CSMD1: variants seen among roughly 807,000 people sequenced by gnomAD.
CSMD1 encodes the protein CUB and Sushi multiple domains 1, also known as CUB and sushi domain-containing protein 1.
Under a neutral mutation model 417.5 loss-of-function variants are expected in CSMD1, and 213 were observed. That is an observed-to-expected ratio of 0.51 (90% CI 0.46 to 0.57). The LOEUF (loss-of-function observed/expected upper bound fraction) is 0.57. CSMD1 is among the 20% of genes least tolerant of loss of function. The probability of loss-of-function intolerance (pLI) is 0.00; values close to 1 mark genes in which losing one functional copy is unlikely to be tolerated. For synonymous variants in CSMD1, 2,862 were observed against 1,736.8 expected (o/e 1.65, Z -16.11); for missense variants, 6,923 against 4,529.7 (o/e 1.53, Z -15.17).
intron 2 of CSMD1, among the ~76,000 whole-genome samples, chr8:4,464,003 T>C (rs956743314): frequency 1.3e-5 from 2 of 152,132 alleles, no homozygotes; most frequent in African/African-American, 4.8e-5. Flanking sequence ...TCATTTCCTG[T>C]TATATCACAT....
chr8:4,526,835 G>GT (rs900620088), intron 2 of CSMD1, among the ~76,000 whole-genome samples: 14 of 151,914 alleles, frequency 9.2e-5, no homozygotes, highest in Non-Finnish European at 1.6e-4. Context: ...ATCGACAAAT[G>GT]TTTTTTTTCT....
chr8:4,185,174 A>T (rs544004732), intron 3 of CSMD1, among the ~76,000 whole-genome samples: 1 of 151,656 alleles, frequency 6.6e-6, no homozygotes, highest in African/African-American at 2.4e-5. Flanking sequence ...CAAACGAAGA[A>T]AAAACCAAAA....
intron 58 of CSMD1, 41 bp from the exon 59 acceptor site, chr8:2,965,995 T>A: frequency 4.0e-6 from 6 of 1,516,706 alleles, no homozygotes; most frequent in Non-Finnish European, 5.4e-6. Context: ...GAAATTCATT[T>A]ACCATGAAAT....
intron 4 of CSMD1, among the ~76,000 whole-genome samples, chr8:4,026,729 C>T (rs1457920488): frequency 6.6e-6 from 1 of 152,042 alleles, no homozygotes; most frequent in East Asian, 1.9e-4. Flanking sequence ...TTCTTTTTTC[C>T]TTAAAGAAAC....
intron 26 of CSMD1, among the ~76,000 whole-genome samples, chr8:3,282,273 G>A (rs1802797637): frequency 6.6e-6 from 1 of 152,136 alleles, no homozygotes; most frequent in Non-Finnish European, 1.5e-5. Context: ...ACTCTGTGGG[G>A]ATGTTGACAG....
intron 2 of CSMD1, among the ~76,000 whole-genome samples, chr8:4,596,450 A>C (rs4875367): frequency 0.45 from 69,020 of 152,016 alleles, 17,826 homozygotes; most frequent in Non-Finnish European, 0.58. Context: ...TTTGATCATT[A>C]TGCAAATAAT....
At chr8:3,593,781 C>T (rs889989828) in intron 8 of CSMD1, among the ~76,000 whole-genome samples, 3 of 152,144 alleles carry the variant, frequency 2.0e-5, no homozygotes, top group African/African-American at 7.2e-5. Context: ...ACACTGCTAT[C>T]CTTATTATAT....
In CSMD1 at chr8:4,626,302, G is replaced by A. The variant is rs551665879; in HGVS notation, c.302+11040C>T. On this transcript the variant is annotated intron_variant, in intron 2 of 69. Coordinates refer to ENST00000635120, the MANE Select transcript of CSMD1 (RefSeq NM_033225.6). ...ATTGAACATACAGCCTGTTCATTGC[G>A]GGGGGCTGTGCCTTGAAGCTGGGAG... Among the ~76,000 whole-genome samples, 4 of 152,000 alleles carry A rather than the reference G, an allele frequency of 2.6e-5. No individual in the cohort carries two copies. In the South Asian group the frequency reaches 6.2e-4, roughly 24 times the overall value.
chr8:4,584,864 G>C (rs778950568), intron 2 of CSMD1, among the ~76,000 whole-genome samples: 9 of 152,058 alleles, frequency 5.9e-5, no homozygotes, highest in Non-Finnish European at 1.2e-4. Flanking sequence ...CTTTTATTTA[G>C]ATTGGATCAA....
rs76707344 is a variant in CSMD1 at position 4,451,546 on chromosome 8, G to C, written c.303-31481C>G. On this transcript the variant is annotated intron_variant, in intron 2 of 69. Coordinates refer to ENST00000635120, the MANE Select transcript of CSMD1 (RefSeq NM_033225.6). The stretch of plus-strand genomic sequence containing the variant: ...ATTCCAGAGACAGTGACTCTGGAAA[G>C]GTAAAGGGTGAGCGATAGAGTGAAG... 6.3e-3 allele frequency among the ~76,000 whole-genome samples: 960 copies of C among 152,212 alleles called. 12 individuals carry two copies. The highest frequency in any genetic ancestry group is 0.022 in the African/African-American group (904 of 41,528).
chr8:4,898,711 T>C (rs1804665341), intron 1 of CSMD1, among the ~76,000 whole-genome samples: 1 of 152,172 alleles, frequency 6.6e-6, no homozygotes, highest in Admixed American at 6.5e-5. Flanking sequence ...TAGATTTTAT[T>C]ATATAGTCCT....
At chr8:3,582,945 C>A (rs1318546662) in intron 9 of CSMD1, among the ~76,000 whole-genome samples, 1 of 152,130 alleles carries the variant, frequency 6.6e-6, no homozygotes, top group Non-Finnish European at 1.5e-5. Flanking sequence ...ATTTTGGAGG[C>A]ATAATTAAAC....
intron 23 of CSMD1, among the ~76,000 whole-genome samples, chr8:3,323,221 T>A (rs1488850922): frequency 6.6e-6 from 1 of 152,200 alleles, no homozygotes; most frequent in Non-Finnish European, 1.5e-5. Flanking sequence ...ACAGCAAGAT[T>A]AAAAACCTAA....
At chr8:4,628,099 C>A (rs116151377) in intron 2 of CSMD1, among the ~76,000 whole-genome samples, 1 of 144,934 alleles carries the variant, frequency 6.9e-6, no homozygotes, top group African/African-American at 2.5e-5. Context: ...ATATTATATA[C>A]CATATATATA....
intron 3 of CSMD1, among the ~76,000 whole-genome samples, chr8:4,322,543 G>C (rs987096682): frequency 6.6e-6 from 1 of 152,096 alleles, no homozygotes; most frequent in Non-Finnish European, 1.5e-5. Flanking sequence ...ATTTGAGGTA[G>C]GCCCTGAAGA....
At chr8:4,603,265 A>G (rs547814241) in intron 2 of CSMD1, among the ~76,000 whole-genome samples, 2 of 151,934 alleles carry the variant, frequency 1.3e-5, no homozygotes, top group South Asian at 4.2e-4. Flanking sequence ...AATTTTTCAT[A>G]CTCCTTTAAT....
At chr8:3,441,644 A>G (rs1814991862) in intron 12 of CSMD1, among the ~76,000 whole-genome samples, 1 of 152,106 alleles carries the variant, frequency 6.6e-6, no homozygotes, top group Non-Finnish European at 1.5e-5. Flanking sequence ...GCCATTGATC[A>G]TAGCACAATG....
At chr8:4,665,122 T>C (rs763187423) in intron 1 of CSMD1, among the ~76,000 whole-genome samples, 2 of 152,206 alleles carry the variant, frequency 1.3e-5, no homozygotes, top group Non-Finnish European at 2.9e-5. Context: ...TCTGTATTTC[T>C]GGCAATCTAG....
chr8:4,230,598 G>A (rs901108418), intron 3 of CSMD1, among the ~76,000 whole-genome samples: 2 of 152,082 alleles, frequency 1.3e-5, no homozygotes, highest in African/African-American at 4.8e-5. Context: ...GTTCATGGCT[G>A]TTATGTATCA....
Sources: gnomAD v4.1 joint callset for allele counts (sites outside exome capture counted in the v4.1 genomes callset) on GRCh38, gnomAD v4.1.1 for gene constraint, MANE v1.5 for transcripts, NCBI Gene and HGNC (gene_info 2026-07-23, HGNC 2026-07-21) for gene names.